The following DAB1 variants were observed in gnomAD, a reference collection of about 807,000 sequenced individuals.
The protein encoded by DAB1 is disabled homolog 1.
A neutral mutation model predicts 64.6 loss-of-function variants in DAB1; 15 were observed. The ratio of observed to expected loss-of-function variants is 0.23; its 90% confidence interval spans 0.16 to 0.36. The LOEUF (loss-of-function observed/expected upper bound fraction) is 0.36, where lower values mean the gene tolerates loss of function less well. DAB1 is among the 10% of genes least tolerant of loss of function. DAB1 has a pLI of 1.00. For missense variants in DAB1, 596 were observed against 706.7 expected (o/e 0.84, Z 1.78); for synonymous variants, 235 against 251.9 (o/e 0.93, Z 0.64).
chr1:57,447,778 AC>A (rs1376266684), intron 7 of DAB1, among the ~76,000 whole-genome samples: 2 of 151,922 alleles, frequency 1.3e-5, no homozygotes, highest in Non-Finnish European at 2.9e-5. Context: ...AGATCCCCTC[AC>A]CCATCAGCAG....
At chr1:57,681,541 TA>T (rs1275965581) in intron 6 of DAB1, among the ~76,000 whole-genome samples, 1 of 152,014 alleles carries the variant, frequency 6.6e-6, no homozygotes, top group African/African-American at 2.4e-5. Context: ...AATAAGGAAA[TA>T]AATAAAATCT....
intron 4 of DAB1, among the ~76,000 whole-genome samples, chr1:58,165,505 CA>C (rs1449396210): frequency 6.6e-6 from 1 of 152,234 alleles, no homozygotes; most frequent in Admixed American, 6.5e-5. Context: ...CACTTGATAA[CA>C]TCTGCAAAAG....
At chr1:57,757,579 C>G (rs1648876498) in intron 6 of DAB1, among the ~76,000 whole-genome samples, 1 of 152,122 alleles carries the variant, frequency 6.6e-6, no homozygotes, top group Non-Finnish European at 1.5e-5. Flanking sequence ...CTCTGCTGTG[C>G]TATGCATGTC....
intron 4 of DAB1, among the ~76,000 whole-genome samples, chr1:58,175,637 T>A (rs1054928478): frequency 2.6e-5 from 4 of 152,214 alleles, no homozygotes; most frequent in Non-Finnish European, 5.9e-5. Context: ...ATTCAAAACT[T>A]TTGCCCATTT....
At chr1:58,091,968 A>ACACACACACACACACACACACAC (rs1553159212) in intron 5 of DAB1, among the ~76,000 whole-genome samples, 2 of 151,356 alleles carry the variant, frequency 1.3e-5, no homozygotes, top group African/African-American at 4.9e-5. Context: ...ACACACACAC[A>ACACACACACACACACACACACAC]AACTAACATA....
chr1:57,071,341 G>C (rs927666840), intron 6 of DAB1, 181 bp downstream of exon 6: 2 of 740,028 alleles, frequency 2.7e-6, no homozygotes, highest in Admixed American at 3.2e-5. Flanking sequence ...AACATGTCTA[G>C]AGTTTAAGAG....
chr1:57,524,073 G>A (rs562178616), intron 7 of DAB1, among the ~76,000 whole-genome samples: 76 of 152,176 alleles, frequency 5.0e-4, no homozygotes, highest in Non-Finnish European at 6.6e-4. Context: ...AACACCAAAG[G>A]CAAAGGAATG....
chr1:58,048,165 T>C (rs762529505), intron 5 of DAB1: 39 of 1,295,884 alleles, frequency 3.0e-5, no homozygotes, highest in Admixed American at 1.2e-4. Context: ...TGCTAAGCTT[T>C]GTTTCCTAAT....
intron 2 of DAB1, among the ~76,000 whole-genome samples, chr1:57,187,421 C>T (rs948609464): frequency 6.6e-6 from 1 of 152,254 alleles, no homozygotes; most frequent in East Asian, 1.9e-4. Flanking sequence ...CTATAAAGTA[C>T]CACAGTCTAC....
intron 7 of DAB1, among the ~76,000 whole-genome samples, chr1:57,533,696 G>T: frequency 6.6e-6 from 1 of 150,900 alleles, no homozygotes; most frequent in Admixed American, 6.6e-5. Context: ...ATGCATGTAT[G>T]ACTTTTTTTT....
chr1:57,170,681 C>T (rs919320945), intron 2 of DAB1, among the ~76,000 whole-genome samples: 1 of 152,156 alleles, frequency 6.6e-6, no homozygotes, highest in Non-Finnish European at 1.5e-5. Flanking sequence ...GATATGGCTC[C>T]ATTGTCCCTT....
At chr1:57,714,576 T>C (rs1192117102) in intron 6 of DAB1, among the ~76,000 whole-genome samples, 2 of 152,202 alleles carry the variant, frequency 1.3e-5, no homozygotes, top group Admixed American at 1.3e-4. Flanking sequence ...ACAAAGTTAT[T>C]GGAACTTGAA....
intron 5 of DAB1, among the ~76,000 whole-genome samples, chr1:58,106,094 TTC>T (rs1651619936): frequency 6.6e-6 from 1 of 151,516 alleles, no homozygotes; most frequent in African/African-American, 2.4e-5. Flanking sequence ...CCTTCCTTCC[TTC>T]CTTCCTTCCT....
chr1:57,800,551 C>T (rs1266851378), intron 6 of DAB1, among the ~76,000 whole-genome samples: 1 of 152,198 alleles, frequency 6.6e-6, no homozygotes, highest in Non-Finnish European at 1.5e-5. Context: ...CATACACCTT[C>T]CCCATGCGAT....
intron 6 of DAB1, among the ~76,000 whole-genome samples, chr1:57,705,839 G>C (rs75362625): frequency 1.0e-4 from 15 of 148,284 alleles, no homozygotes; most frequent in Admixed American, 4.7e-4. Flanking sequence ...TACTTAATAC[G>C]TATCTTTGGA....
intron 5 of DAB1, among the ~76,000 whole-genome samples, chr1:58,022,666 T>G (rs553338767): frequency 1.3e-5 from 2 of 152,316 alleles, no homozygotes; most frequent in South Asian, 4.1e-4. Flanking sequence ...TAAAATCAAT[T>G]ACAGTAAAAG....
intron 2 of DAB1, among the ~76,000 whole-genome samples, chr1:57,218,281 A>G (rs1465451165): frequency 6.6e-6 from 1 of 152,188 alleles, no homozygotes; most frequent in South Asian, 2.1e-4. Flanking sequence ...CATCTTCAGT[A>G]TACTGGCCTC....
chr1:58,480,483 A>G (rs1169967665), intron 3 of DAB1, among the ~76,000 whole-genome samples: 1 of 152,146 alleles, frequency 6.6e-6, no homozygotes, highest in Non-Finnish European at 1.5e-5. Context: ...CCACAGGTGA[A>G]GACAAGGAAA....
Position 57,695,281 on chromosome 1 carries a change from G to T in DAB1, n.552-45616C>A, listed in dbSNP as rs1269453146. On this transcript the variant is annotated intron_variant and non_coding_transcript_variant, in intron 6 of 20. Coordinates refer to the DAB1 transcript ENST00000485760. ...AGAAGGAAGGAAGGAAGGAAGGAAG[G>T]AAGAAAGGGAGAGAGAAGGAAAGAA... is the stretch of plus-strand genomic sequence containing the variant. Among the ~76,000 whole-genome samples the T allele has an allele frequency of 4.0e-5, 3 of 74,566 alleles. 1 individual carries two copies. Among genetic ancestry groups the T allele is most frequent in the East Asian group, 1.2e-3 (2 of 1,622 alleles). 48.9% of individuals were successfully genotyped at this position (74,566 alleles called of 152,430 possible).
Sources: gnomAD v4.1 joint callset for allele counts (sites outside exome capture counted in the v4.1 genomes callset) on GRCh38, gnomAD v4.1.1 for gene constraint, MANE v1.5 for transcripts, NCBI Gene and HGNC (gene_info 2026-07-23, HGNC 2026-07-21) for gene names.